Variants in LRP2 observed in about 807,000 individuals in gnomAD.
LRP2 encodes LDL receptor related protein 2.
LRP2 carries 172 observed loss-of-function variants against 531.0 expected under a neutral mutation model. The observed-to-expected ratio is 0.32, with a 90% CI of 0.29 to 0.37. The LOEUF is 0.37. LRP2 is among the 10% of genes least tolerant of loss of function. LRP2 has a pLI of 1.00. For missense variants in LRP2, 5,167 were observed against 5,868.3 expected, an observed-to-expected ratio of 0.88 and a Z score of 3.90; for synonymous variants, 1,992 against 2,027.6, an observed-to-expected ratio of 0.98 and a Z score of 0.47.
At chr2:169,247,041 C>A in intron 20 of LRP2, 55 bp from the exon 21 acceptor site, 1 of 1,593,924 alleles carries the variant, frequency 6.3e-7, no homozygotes, top group South Asian at 1.1e-5. Flanking sequence ...CTAGGTAGGT[C>A]ACGGGTTTGA....
chr2:169,173,189 A>T lies in LRP2; in HGVS notation c.11050T>A (p.Phe3684Ile). ...SAHLCDNFTE[F>I]SCKTNYRCIP... ...CAGCGGTAATTTGTTTTGCAGCTGAATTCTGTGAAGTTGTCACAGAGATGG... is the reference window on the plus strand; with the variant it reads ...CAGCGGTAATTTGTTTTGCAGCTGATTTCTGTGAAGTTGTCACAGAGATGG... Residue 3684 changes from phenylalanine (F) to isoleucine (I), a missense_variant, in exon 57 of 79, where the codon TTC (phenylalanine) becomes ATC (isoleucine). This residue lies in a region of LRP2 where 311 missense variants were observed against 309.4 expected (regional missense o/e 1.01). Coordinates refer to ENST00000649046, the MANE Select transcript of LRP2 (RefSeq NM_004525.3). The T allele has an allele frequency of 6.2e-7, 1 of 1,614,172 alleles. No individual in the cohort carries two copies. Among genetic ancestry groups the T allele is most frequent in the Non-Finnish European group, 8.5e-7 (1 of 1,180,030 alleles).
At chr2:169,189,638 C>G (rs576995652) in intron 48 of LRP2, among the ~76,000 whole-genome samples, 1 of 151,976 alleles carries the variant, frequency 6.6e-6, no homozygotes, top group African/African-American at 2.4e-5. Context: ...AAAAGAAGGT[C>G]AATAGGAAAA....
In LRP2 at chr2:169,320,794, G is replaced by A. The variant is rs115350461; in HGVS notation, c.170C>T (p.Ala57Val). 325 of 1,614,006 alleles carry A rather than the reference G, an allele frequency of 2.0e-4. No homozygotes were observed. In the African/African-American group the frequency reaches 3.7e-3, roughly 19 times the overall value. ...CDGTKDCSDD[A>V]DEIGCAVVTC... is the part of the protein sequence containing the mutation. ...TCACTTACCGCAGCCAATTTCATCC[G>A]CGTCATCTGAACAGTCTTTGGTCCC... The change falls in exon 2 of 79, where the codon GCG (alanine) becomes GTG (valine). Residue 57 changes from alanine (A) to valine (V), a missense_variant. Physicochemically the swap from Ala to Val is moderately conservative, Grantham distance 64. Around this residue, in one of 6 missense-constraint regions of LRP2, gnomAD observed 2,811 missense variants for 3,058.0 expected, o/e 0.92. Coordinates refer to ENST00000649046, the MANE Select transcript of LRP2 (RefSeq NM_004525.3).
In LRP2 at chr2:169,159,416, C is replaced by T. The variant is rs1574081930; in HGVS notation, c.11888-1914G>A. On this transcript the variant is annotated intron_variant, in intron 63 of 78. Transcript: ENST00000649046. The stretch of plus-strand genomic sequence containing the variant: ...CACTGGGTTTCAAAAAGAAAAATAA[C>T]CAAAATAAAGTACAATGAAATTCAA... 3.9e-5 allele frequency among the ~76,000 whole-genome samples: 6 copies of T among 152,016 alleles called. No homozygotes were observed. The South Asian group carries it at 1.2e-3, about 31-fold the overall frequency.
Position 169,327,456 on chromosome 2 carries a change from C to T in LRP2, c.80-6572G>A, listed in dbSNP as rs564321627. 5.3e-3 allele frequency among the ~76,000 whole-genome samples: 646 copies of T among 121,924 alleles called. 17 individuals are homozygous for T. Among genetic ancestry groups the T allele is most frequent in the African/African-American group, 0.02 (601 of 29,884 alleles). The allele number at this position is 121,924 out of a possible 152,430, so 80.0% of individuals were successfully genotyped here. On this transcript the variant is annotated intron_variant, in intron 1 of 78. Transcript: ENST00000649046. ...GGAGGTGGGGGGATCAGCACCCCGC[C>T]CGGCCAGCCGCCCCGTCTGGGAGGG...
At chr2:169,272,380 T>A (rs933305680) in intron 15 of LRP2, among the ~76,000 whole-genome samples, 2 of 152,064 alleles carry the variant, frequency 1.3e-5, no homozygotes, top group Non-Finnish European at 2.9e-5. Context: ...GGTGAAAAAC[T>A]GTGTGAGTAA....
chr2:169,272,900 C>G, intron 15 of LRP2, 27 bp downstream of exon 15: 2 of 1,613,344 alleles, frequency 1.2e-6, no homozygotes, highest in Non-Finnish European at 1.7e-6. Context: ...TGTCACCTGC[C>G]AACAACGTCC....
At chr2:169,201,904 T>A (rs767228353) in intron 43 of LRP2, 34 bp from the exon 44 acceptor site, 1 of 1,613,076 alleles carries the variant, frequency 6.2e-7, no homozygotes, top group South Asian at 1.1e-5. Context: ...ACAAACCCTC[T>A]TGATTAAAAC....
In LRP2 at chr2:169,282,427, T is replaced by C. The variant is rs186041490; in HGVS notation, c.1171+446A>G. Among the ~76,000 whole-genome samples the C allele has an allele frequency of 1.3e-4, 20 of 152,348 alleles. No individual in the cohort carries two copies. In the East Asian group the frequency reaches 3.9e-3, roughly 29 times the overall value. ...ACCCAGAGTTAGTGCATTCAAAAAA[T>C]TGTTAATCCAAATTTAGCATGTCCA... On this transcript the variant is annotated intron_variant, in intron 10 of 78. Coordinates refer to ENST00000649046, the MANE Select transcript of LRP2 (RefSeq NM_004525.3).
intron 10 of LRP2, among the ~76,000 whole-genome samples, chr2:169,281,469 C>T (rs936525856): frequency 6.7e-6 from 1 of 150,092 alleles, no homozygotes; most frequent in South Asian, 2.1e-4. Flanking sequence ...GCCTGTAATC[C>T]CAGCACTTTG....
intron 4 of LRP2, among the ~76,000 whole-genome samples, chr2:169,297,594 A>T (rs1008623437): frequency 6.6e-6 from 1 of 152,160 alleles, no homozygotes; most frequent in Admixed American, 6.6e-5. Context: ...TCCCAATCCC[A>T]AATGATACAT....
chr2:169,181,541 A>G lies in LRP2; in HGVS notation c.10076T>C (p.Ile3359Thr), dbSNP rs755600019. Residue 3359 changes from isoleucine to threonine, a missense_variant, in exon 52 of 79, where the codon ATA becomes ACA. Coordinates refer to ENST00000649046, the MANE Select transcript of LRP2 (RefSeq NM_004525.3). ...VGMDGTNKSV[I>T]ISTKLEWPNG... The stretch of plus-strand genomic sequence containing the variant: ...AGGCCACTCTAACTTGGTGGAGATT[A>G]TCACAGACTTGTTGGTTCCATCCAT... The G allele has an allele frequency of 1.2e-6, 2 of 1,614,226 alleles. No homozygotes were observed. The highest frequency in any genetic ancestry group is 2.2e-5 in the South Asian group (2 of 91,084).
rs1687063009 is a variant in LRP2 at position 169,173,123 on chromosome 2, T to C, written c.11116A>G (p.Arg3706Gly). The change falls in exon 57 of 79, where the codon AGG becomes GGG. Residue 3706 changes from arginine (R) to glycine (G), a missense_variant. By Grantham distance (125) the Arg-to-Gly change is moderately radical. This residue lies in a region of LRP2 where 311 missense variants were observed against 309.4 expected (regional missense o/e 1.01). Coordinates refer to ENST00000649046, the MANE Select transcript of LRP2 (RefSeq NM_004525.3). Reference sequence around the variant, plus strand: ...CAGCCTTGCTCATCACTGTTGTCCCTGCAGTCATCTACACCATTGCACACG... The same window carrying C: ...CAGCCTTGCTCATCACTGTTGTCCCCGCAGTCATCTACACCATTGCACACG... ...WAVCNGVDDC[R>G]DNSDEQGCEE... 6.2e-7 allele frequency: 1 copy of C among 1,613,960 alleles called. No individual in the cohort carries two copies. Among genetic ancestry groups the C allele is most frequent in the Non-Finnish European group, 8.5e-7 (1 of 1,180,020 alleles).
intron 57 of LRP2, 28 bp from the exon 58 acceptor site, chr2:169,172,162 A>C: frequency 6.2e-7 from 1 of 1,613,892 alleles, no homozygotes; most frequent in Non-Finnish European, 8.5e-7. Context: ...CAAAGACTTC[A>C]TAAACCATTG....
At chr2:169,207,363 G>A (rs1211233261) in intron 38 of LRP2, 113 bp from the exon 39 acceptor site, 3 of 767,788 alleles carry the variant, frequency 3.9e-6, no homozygotes, top group Non-Finnish European at 6.7e-6. Context: ...GTCACTATAT[G>A]TTGTCTTTTC....
intron 62 of LRP2, 137 bp downstream of exon 62, chr2:169,165,794 TA>T: frequency 9.5e-7 from 1 of 1,050,520 alleles, no homozygotes; most frequent in Non-Finnish European, 1.5e-6. Flanking sequence ...CATGGTCTTG[TA>T]AACAATTATG....
At chr2:169,177,199 C>T (rs2193196) in intron 53 of LRP2, among the ~76,000 whole-genome samples, 11,078 of 152,184 alleles carry the variant, frequency 0.073, 918 homozygotes, top group African/African-American at 0.2. Context: ...AAAGCAGACC[C>T]ACAAAAACCA....
chr2:169,201,746 C>T lies in LRP2; in HGVS notation c.8334G>A (p.Arg2778=), dbSNP rs1688209821. 2 of 1,614,056 alleles carry T rather than the reference C, an allele frequency of 1.2e-6. No individual in the cohort carries two copies. Among genetic ancestry groups the T allele is most frequent in the Non-Finnish European group, 1.7e-6 (2 of 1,180,044 alleles). ...DGSDEAGCLF[R]DCNATTEFMC... ...TAAACTCCGTGGTGGCATTGCAGTC[C>T]CTGAACAGGCACCCTGCCTCATCAC... Residue 2778 remains arginine, a synonymous_variant, in exon 44 of 79, where the codon AGG becomes AGA. Coordinates refer to ENST00000649046, the MANE Select transcript of LRP2 (RefSeq NM_004525.3).
chr2:169,261,012 G>A (rs989754004), intron 16 of LRP2, among the ~76,000 whole-genome samples: 2 of 152,044 alleles, frequency 1.3e-5, no homozygotes, highest in African/African-American at 4.8e-5. Context: ...GATTAGAGGT[G>A]ACCAGGATGA....
Sources: gnomAD v4.1 joint callset for allele counts (sites outside exome capture counted in the v4.1 genomes callset) on GRCh38, gnomAD v4.1.1 for gene constraint, gnomAD v4.1.1 regional missense constraint, MANE v1.5 for transcripts, NCBI Gene and HGNC (gene_info 2026-07-23, HGNC 2026-07-21) for gene names.